Variants in ADGRL3 observed in about 807,000 individuals in gnomAD.
ADGRL3 encodes the protein calcium-independent alpha-latrotoxin receptor 3.
In ADGRL3, 62 loss-of-function variants were observed where a neutral mutation model predicts 153.5. The observed-to-expected ratio is 0.40, with a 90% CI of 0.33 to 0.50. The LOEUF is 0.50. Ranked by LOEUF, ADGRL3 falls within the 20% of genes least tolerant of loss-of-function variation. The probability of loss-of-function intolerance (pLI) is 0.47; values close to 1 mark genes in which losing one functional copy is unlikely to be tolerated. For missense variants in ADGRL3, 1,641 were observed against 1,859.4 expected, an observed-to-expected ratio of 0.88 and a Z score of 2.16; for synonymous variants, 710 against 672.5, an observed-to-expected ratio of 1.06 and a Z score of -0.86.
At chr4:61,267,738 G>C (rs973485593) in intron 1 of ADGRL3, among the ~76,000 whole-genome samples, 1 of 151,504 alleles carries the variant, frequency 6.6e-6, no homozygotes, top group African/African-American at 2.4e-5. Context: ...TCAATAAAAA[G>C]GCAGGCTGTA....
rs1261499246 is a variant in ADGRL3 at position 61,857,066 on chromosome 4, CTCTT to C, written c.1481-35576_1481-35573del. Reference sequence around the variant, plus strand: ...CCTTTCTCCCTCCCTCCCTCTCTCTCTCTTTCTTTCTTTCTTTTTTTCTTTCTTT... The same window carrying C: ...CCTTTCTCCCTCCCTCCCTCTCTCTCTCTTTCTTTCTTTTTTTCTTTCTTT... On this transcript the variant is annotated intron_variant, in intron 9 of 26. Transcript: ENST00000683033. Among the ~76,000 whole-genome samples, 26 of 147,982 alleles carry C rather than the reference CTCTT, an allele frequency of 1.8e-4. No homozygotes were observed. The East Asian group carries it at 2.2e-3, about 13-fold the overall frequency.
intron 13 of ADGRL3, among the ~76,000 whole-genome samples, chr4:61,920,258 C>A (rs867889028): frequency 1.3e-5 from 2 of 151,992 alleles, no homozygotes; most frequent in Non-Finnish European, 2.9e-5. Flanking sequence ...GATTACATAG[C>A]TATTAAGGTA....
At chr4:61,932,054 C>T (rs1262571175) in intron 13 of ADGRL3, among the ~76,000 whole-genome samples, 5 of 151,942 alleles carry the variant, frequency 3.3e-5, no homozygotes, top group African/African-American at 1.2e-4. Context: ...TACACATACA[C>T]ATACATACAG....
At position 61,808,427 on chromosome 4, in the gene ADGRL3, G is replaced by A. The variant is rs114770164; in HGVS notation, c.1400-5382G>A. The stretch of plus-strand genomic sequence containing the variant: ...TGACTTTATGTTTCGGATAAGTCAA[G>A]CATATAGTTGTTTCTCTGCTACCTC... On this transcript the variant is annotated intron_variant, in intron 8 of 26. Transcript: ENST00000683033. Among the ~76,000 whole-genome samples the A allele has an allele frequency of 7.0e-3, 1,059 of 152,204 alleles. 7 individuals are homozygous for A. Among genetic ancestry groups the A allele is most frequent in the Non-Finnish European group, 0.011 (737 of 68,020 alleles).
intron 8 of ADGRL3, among the ~76,000 whole-genome samples, chr4:61,768,790 G>A (rs147494699): frequency 0.54 from 82,121 of 151,218 alleles, 22,835 homozygotes; most frequent in East Asian, 0.68. Context: ...AAGAGTAGAG[G>A]CACGGAGAAG....
Position 61,947,060 on chromosome 4 carries a change from A to C in ADGRL3, c.2566A>C (p.Lys856Gln). ...NSPVITAAIN[K>Q]EFSNKVYLAD... ...CCCTGTTATTACGGCAGCAATAAAC[A>C]AAGAGTTCAGTAACAAGGTTTATTT... is the stretch of plus-strand genomic sequence containing the variant. Residue 856 changes from lysine to glutamine, a missense_variant, in exon 16 of 27, where the codon AAA (lysine) becomes CAA (glutamine). By Grantham distance (53) the Lys-to-Gln change is moderately conservative. Transcript: ENST00000683033. The C allele has an allele frequency of 6.2e-7, 1 of 1,613,896 alleles. No homozygotes were observed. The highest frequency in any genetic ancestry group is 1.1e-5 in the South Asian group (1 of 91,082).
chr4:61,302,276 G>A (rs908760736), intron 1 of ADGRL3, among the ~76,000 whole-genome samples: 1 of 152,036 alleles, frequency 6.6e-6, no homozygotes, highest in Non-Finnish European at 1.5e-5. Context: ...GGAACAATAA[G>A]ACGAGACCAG....
intron 5 of ADGRL3, among the ~76,000 whole-genome samples, chr4:61,661,692 A>G (rs1283452118): frequency 6.6e-6 from 1 of 152,170 alleles, no homozygotes; most frequent in Non-Finnish European, 1.5e-5. Flanking sequence ...GAGATCATGT[A>G]TATTTCATTA....
chr4:62,042,145 A>G (rs1165265065), intron 24 of ADGRL3, among the ~76,000 whole-genome samples: 1 of 152,120 alleles, frequency 6.6e-6, no homozygotes, highest in Non-Finnish European at 1.5e-5. Context: ...CTATGTATGT[A>G]TATGCCAAGT....
chr4:61,507,856 A>G (rs577872512), intron 3 of ADGRL3, among the ~76,000 whole-genome samples: 1 of 152,312 alleles, frequency 6.6e-6, no homozygotes, highest in South Asian at 2.1e-4. Flanking sequence ...CCCACACATT[A>G]GTTACAATTG....
intron 2 of ADGRL3, among the ~76,000 whole-genome samples, chr4:61,391,855 CTTTTT>C (rs869176171): frequency 4.3e-5 from 4 of 93,656 alleles, no homozygotes; most frequent in African/African-American, 8.3e-5. Context: ...AAAAATGCTA[CTTTTT>C]TTTTTTTTTT....
chr4:61,988,207 G>A (rs1376152660), intron 19 of ADGRL3, among the ~76,000 whole-genome samples: 1 of 151,968 alleles, frequency 6.6e-6, no homozygotes, highest in African/African-American at 2.4e-5. Context: ...GTGCTTGTAA[G>A]GAGCCATTAT....
intron 6 of ADGRL3, among the ~76,000 whole-genome samples, chr4:61,692,679 A>C (rs1010636182): frequency 1.3e-5 from 2 of 152,048 alleles, no homozygotes; most frequent in African/African-American, 4.8e-5. Context: ...CCTGGCTTCA[A>C]GTGATCTGCC....
intron 6 of ADGRL3, among the ~76,000 whole-genome samples, chr4:61,711,056 T>C (rs891834610): frequency 1.3e-5 from 2 of 152,090 alleles, no homozygotes; most frequent in Admixed American, 1.3e-4. Context: ...ATTATGTAGT[T>C]GTGGGGGCTA....
chr4:61,646,278 C>G (rs2093979644), intron 5 of ADGRL3, among the ~76,000 whole-genome samples: 2 of 152,214 alleles, frequency 1.3e-5, no homozygotes, highest in Non-Finnish European at 2.9e-5. Context: ...GCCTTCTTCT[C>G]TCAGCTCGTC....
intron 1 of ADGRL3, among the ~76,000 whole-genome samples, chr4:61,290,211 C>T (rs1275345316): frequency 6.6e-6 from 1 of 152,014 alleles, no homozygotes; most frequent in Non-Finnish European, 1.5e-5. Context: ...TGAACCTATC[C>T]ACACGAATCA....
intron 5 of ADGRL3, among the ~76,000 whole-genome samples, chr4:61,645,855 C>T: frequency 6.6e-6 from 1 of 152,194 alleles, no homozygotes; most frequent in Non-Finnish European, 1.5e-5. Flanking sequence ...TGGGGAAGTT[C>T]TCCTGGATAA....
intron 1 of ADGRL3, among the ~76,000 whole-genome samples, chr4:61,252,284 T>C (rs561273395): frequency 6.6e-6 from 1 of 152,300 alleles, no homozygotes; most frequent in South Asian, 2.1e-4. Context: ...TAAAAACATG[T>C]CTGTAAACCC....
intron 6 of ADGRL3, among the ~76,000 whole-genome samples, chr4:61,711,221 AACATTCACAG>A (rs2095974506): frequency 6.6e-6 from 1 of 151,922 alleles, no homozygotes; most frequent in Admixed American, 6.6e-5. Context: ...CACCACTATC[AACATTCACAG>A]ACAATGTGAC....
Sources: allele counts gnomAD v4.1 joint callset (sites outside exome capture counted in the v4.1 genomes callset), GRCh38; gene constraint gnomAD v4.1.1; transcripts MANE v1.5; gene names NCBI Gene and HGNC (gene_info 2026-07-23, HGNC 2026-07-21).